PPP1R9A: variants seen among roughly 807,000 people sequenced by gnomAD.
The protein encoded by PPP1R9A is neurabin-1.
In PPP1R9A, 59 loss-of-function variants were observed where a neutral mutation model predicts 141.9. That is an observed-to-expected ratio of 0.42 (90% CI 0.34 to 0.52). The LOEUF is 0.52. PPP1R9A is among the 20% of genes least tolerant of loss of function. The pLI is 0.10. For missense variants in PPP1R9A, 1,444 were observed against 1,611.9 expected (o/e 0.90, Z 1.78); for synonymous variants, 500 against 569.7 (o/e 0.88, Z 1.74).
At chr7:95,188,599 T>G (rs1193201416) in intron 5 of PPP1R9A, among the ~76,000 whole-genome samples, 2 of 114,822 alleles carry the variant, frequency 1.7e-5, no homozygotes, top group Non-Finnish European at 3.4e-5. Context: ...TGTTGTGTTT[T>G]GTTTTTTTTT....
chr7:95,262,161 G>A (rs1800529405), intron 12 of PPP1R9A, among the ~76,000 whole-genome samples: 1 of 152,136 alleles, frequency 6.6e-6, no homozygotes, highest in South Asian at 2.1e-4. Context: ...ACAGAATCTT[G>A]CTTATTGTTG....
At chr7:95,110,022 G>A (rs1375410812) in intron 2 of PPP1R9A, among the ~76,000 whole-genome samples, 1 of 152,044 alleles carries the variant, frequency 6.6e-6, no homozygotes, top group Non-Finnish European at 1.5e-5. Context: ...GATCCAAGTG[G>A]CATGAGGCTA....
intron 4 of PPP1R9A, among the ~76,000 whole-genome samples, chr7:95,148,766 G>A (rs1286280999): frequency 6.6e-6 from 1 of 151,394 alleles, no homozygotes; most frequent in East Asian, 1.9e-4. Context: ...GGTGAATTCT[G>A]CCCAACACTT....
intron 8 of PPP1R9A, among the ~76,000 whole-genome samples, chr7:95,227,073 T>C (rs2152955190): frequency 1.3e-5 from 2 of 152,268 alleles, no homozygotes; most frequent in South Asian, 4.1e-4. Flanking sequence ...AAAGAAAAGG[T>C]CTGCAGAAAG....
intron 2 of PPP1R9A, among the ~76,000 whole-genome samples, chr7:95,068,473 G>GAA (rs36043693): frequency 0.46 from 43,061 of 94,120 alleles, 10,939 homozygotes; most frequent in Non-Finnish European, 0.46. Flanking sequence ...CTTGTCTCAA[G>GAA]AAAAAAAAAA....
In PPP1R9A at chr7:94,975,346, G is replaced by GTT. The variant is rs67413314; in HGVS notation, c.1395+63846_1395+63847dup. Among the ~76,000 whole-genome samples the GTT allele has an allele frequency of 5.4e-5, 7 of 128,618 alleles. No homozygotes were observed. The South Asian group carries it at 1.2e-3, about 21-fold the overall frequency. 84.4% of individuals were successfully genotyped at this position (128,618 alleles called of 152,430 possible). A position where few individuals can be genotyped will look rare whatever the true frequency, so the allele number is the denominator to read the frequency against. The stretch of plus-strand genomic sequence containing the variant: ...TCCATTTACCTCTGGACAGGCTGTA[G>GTT]TTTTTTTTTGTTTTTTTTTTTTTTT... On this transcript the variant is annotated intron_variant, in intron 2 of 19. Transcript: ENST00000433360.
intron 8 of PPP1R9A, among the ~76,000 whole-genome samples, chr7:95,240,294 A>G (rs1346111351): frequency 2.6e-5 from 4 of 152,012 alleles, no homozygotes; most frequent in Non-Finnish European, 4.4e-5. Context: ...TCTTTAGCAC[A>G]ATTTATTGAA....
At chr7:95,105,840 C>T (rs1819435233) in intron 2 of PPP1R9A, among the ~76,000 whole-genome samples, 1 of 152,182 alleles carries the variant, frequency 6.6e-6, no homozygotes. Context: ...AATGACAGTG[C>T]ATTGCTCTAG....
intron 5 of PPP1R9A, among the ~76,000 whole-genome samples, chr7:95,192,128 T>C (rs1450707331): frequency 6.6e-6 from 1 of 152,062 alleles, no homozygotes; most frequent in African/African-American, 2.4e-5. Context: ...TTTATCCTTT[T>C]CCTATGGTTG....
At chr7:94,988,046 A>T (rs1288124099) in intron 2 of PPP1R9A, among the ~76,000 whole-genome samples, 1 of 152,134 alleles carries the variant, frequency 6.6e-6, no homozygotes, top group African/African-American at 2.4e-5. Context: ...TTGGAATTGG[A>T]TCAGAGGTTC....
At chr7:95,266,644 C>T (rs854520) in intron 12 of PPP1R9A, among the ~76,000 whole-genome samples, 56,437 of 151,854 alleles carry the variant, frequency 0.37, 11,095 homozygotes, top group Middle Eastern at 0.5. Context: ...TTGATTGGTA[C>T]CTCATGGGGC....
chr7:95,218,172 T>G (rs1004973014), intron 7 of PPP1R9A, among the ~76,000 whole-genome samples: 2 of 152,240 alleles, frequency 1.3e-5, no homozygotes, highest in African/African-American at 2.4e-5. Flanking sequence ...GTAGTGTCTT[T>G]GTTCTCATTG....
intron 2 of PPP1R9A, among the ~76,000 whole-genome samples, chr7:95,005,085 G>A (rs12536174): frequency 0.091 from 13,861 of 152,180 alleles, 699 homozygotes; most frequent in East Asian, 0.15. Flanking sequence ...TTGGGTGCCA[G>A]GCTGCTAGAC....
rs566324550 is a variant in PPP1R9A at position 94,921,197 on chromosome 7, A to C, written c.1395+9689A>C. Among the ~76,000 whole-genome samples the C allele has an allele frequency of 1.8e-4, 28 of 152,230 alleles. 1 individual carries two copies. The South Asian group carries it at 5.8e-3, about 32-fold the overall frequency. On this transcript the variant is annotated intron_variant, in intron 2 of 19. Coordinates refer to ENST00000433360, the MANE Select transcript of PPP1R9A (RefSeq NM_001166160.2). Reference sequence around the variant, plus strand: ...CGCGGTGGCTCACGCCTGTAATTCCAACACTTTGGGAGGCTGTGGCGGGCG... The same window carrying C: ...CGCGGTGGCTCACGCCTGTAATTCCCACACTTTGGGAGGCTGTGGCGGGCG...
At chr7:94,994,406 A>T (rs2151456547) in intron 2 of PPP1R9A, among the ~76,000 whole-genome samples, 1 of 152,252 alleles carries the variant, frequency 6.6e-6, no homozygotes, top group Non-Finnish European at 1.5e-5. Flanking sequence ...ATTTTGGGAT[A>T]TAATGTCCTG....
chr7:95,202,754 T>TA (rs1789858307), intron 6 of PPP1R9A: 2 of 188,514 alleles, frequency 1.1e-5, no homozygotes, highest in Non-Finnish European at 2.0e-5. Context: ...GTATATATTT[T>TA]GTGTAGTGTG....
intron 2 of PPP1R9A, among the ~76,000 whole-genome samples, chr7:95,024,226 G>A (rs1806457782): frequency 6.6e-6 from 1 of 152,158 alleles, no homozygotes; most frequent in South Asian, 2.1e-4. Flanking sequence ...GAGTAAGTGT[G>A]ATGTGGTGCT....
intron 2 of PPP1R9A, among the ~76,000 whole-genome samples, chr7:94,911,717 T>C (rs962737459): frequency 5.9e-5 from 9 of 152,156 alleles, no homozygotes; most frequent in African/African-American, 2.2e-4. Context: ...TATAATGGCA[T>C]ACATCAATAG....
At chr7:95,282,325 C>A (rs74737606) in intron 16 of PPP1R9A, among the ~76,000 whole-genome samples, 1 of 152,038 alleles carries the variant, frequency 6.6e-6, no homozygotes, top group African/African-American at 2.4e-5. Flanking sequence ...GAGCGAGACC[C>A]TGTCTCAAAA....
Sources: gnomAD v4.1 joint callset for allele counts (sites outside exome capture counted in the v4.1 genomes callset) on GRCh38, gnomAD v4.1.1 for gene constraint, MANE v1.5 for transcripts, NCBI Gene and HGNC (gene_info 2026-07-23, HGNC 2026-07-21) for gene names.